OPCML: variants seen among roughly 807,000 people sequenced by gnomAD.
OPCML encodes opioid binding protein/cell adhesion molecule like, also known as opioid-binding protein/cell adhesion molecule.
A neutral mutation model predicts 37.8 loss-of-function variants in OPCML; 13 were observed. That is an observed-to-expected ratio of 0.34 (90% CI 0.22 to 0.55). OPCML has a LOEUF of 0.55. Ranked by LOEUF, OPCML falls within the 20% of genes least tolerant of loss-of-function variation. The pLI, the probability that OPCML is intolerant of heterozygous loss-of-function variation, is 0.91. For missense variants in OPCML, 341 were observed against 435.6 expected, an observed-to-expected ratio of 0.78 and a Z score of 1.93; for synonymous variants, 176 against 168.8, an observed-to-expected ratio of 1.04 and a Z score of -0.33.
intron 2 of OPCML, among the ~76,000 whole-genome samples, chr11:132,748,280 A>G (rs1279382636): frequency 6.6e-6 from 1 of 152,094 alleles, no homozygotes; most frequent in Non-Finnish European, 1.5e-5. Context: ...TGCTGGGTTT[A>G]TGGAATCCTG....
intron 1 of OPCML, among the ~76,000 whole-genome samples, chr11:132,993,702 G>A (rs946357411): frequency 2.6e-5 from 4 of 152,214 alleles, no homozygotes; most frequent in East Asian, 1.9e-4. Context: ...GGAATCAACT[G>A]GAATCACCCT....
intron 3 of OPCML, among the ~76,000 whole-genome samples, chr11:132,574,966 AT>A (rs1369261180): frequency 6.6e-6 from 1 of 151,958 alleles, no homozygotes; most frequent in African/African-American, 2.4e-5. Context: ...TATATTTATT[AT>A]GTAAATATAT....
chr11:132,518,616 T>G (rs528239862), intron 4 of OPCML, among the ~76,000 whole-genome samples: 21 of 152,304 alleles, frequency 1.4e-4, no homozygotes, highest in African/African-American at 5.1e-4. Flanking sequence ...CCCTCCTCCC[T>G]GACTTCTGTT....
intron 1 of OPCML, among the ~76,000 whole-genome samples, chr11:132,997,205 A>G (rs957067429): frequency 2.0e-5 from 3 of 152,192 alleles, no homozygotes; most frequent in African/African-American, 7.2e-5. Flanking sequence ...CCTCACACGT[A>G]TCTGCACATG....
In OPCML at chr11:132,600,874, C is replaced by T. The variant is rs918464773; in HGVS notation, c.379+56213G>A. 4.6e-5 allele frequency among the ~76,000 whole-genome samples: 5 copies of T among 107,828 alleles called. No individual in the cohort carries two copies. In the East Asian group the frequency reaches 9.2e-4, roughly 20 times the overall value. 70.7% of individuals were successfully genotyped at this position (107,828 alleles called of 152,430 possible). ...TTTTTTTTTTTTTTTTGTAGAGACA[C>T]GGTCTCTATATTGCTTAGGCTGGAC... On this transcript the variant is annotated intron_variant, in intron 3 of 7. Transcript: ENST00000524381.
chr11:133,006,190 C>G (rs1020535682), intron 1 of OPCML: 2 of 888,252 alleles, frequency 2.3e-6, no homozygotes, highest in Non-Finnish European at 2.7e-6. Flanking sequence ...TTCGCGCCAT[C>G]TGTAGTAGGG....
chr11:132,810,290 C>G (rs1939266608), intron 2 of OPCML, among the ~76,000 whole-genome samples: 2 of 152,222 alleles, frequency 1.3e-5, no homozygotes, highest in African/African-American at 4.8e-5. Context: ...GGCATCCTTT[C>G]TGTTAGATGT....
intron 1 of OPCML, among the ~76,000 whole-genome samples, chr11:132,958,651 A>T (rs533026727): frequency 6.6e-6 from 1 of 152,344 alleles, no homozygotes; most frequent in South Asian, 2.1e-4. Context: ...GTGAAAACCA[A>T]TACTCATTTA....
chr11:132,442,131 G>A (rs1357628465), intron 4 of OPCML, among the ~76,000 whole-genome samples: 2 of 152,172 alleles, frequency 1.3e-5, no homozygotes, highest in African/African-American at 2.4e-5. Flanking sequence ...GGAAAACAAG[G>A]ATCTTCACCT....
chr11:132,907,341 T>C (rs1024204393), intron 2 of OPCML, among the ~76,000 whole-genome samples: 1 of 152,196 alleles, frequency 6.6e-6, no homozygotes, highest in South Asian at 2.1e-4. Flanking sequence ...CCTCCATTTG[T>C]CCTTTGTCTG....
intron 1 of OPCML, among the ~76,000 whole-genome samples, chr11:133,319,061 C>T (rs1433903175): frequency 1.3e-5 from 2 of 152,016 alleles, no homozygotes; most frequent in African/African-American, 4.8e-5. Context: ...AATCATGAGG[C>T]CACGCAGCTA....
intron 2 of OPCML, among the ~76,000 whole-genome samples, chr11:132,881,631 A>ATAG (rs1943228726): frequency 6.6e-6 from 1 of 152,114 alleles, no homozygotes; most frequent in African/African-American, 2.4e-5. Flanking sequence ...AATAATAATA[A>ATAG]TAAAAAAGAA....
At chr11:132,582,423 A>G (rs2096464006) in intron 3 of OPCML, among the ~76,000 whole-genome samples, 1 of 152,170 alleles carries the variant, frequency 6.6e-6, no homozygotes, top group Non-Finnish European at 1.5e-5. Context: ...ATAGCAAAAA[A>G]GTTTAAATAA....
intron 3 of OPCML, among the ~76,000 whole-genome samples, chr11:132,552,126 A>G (rs73034680): frequency 6.6e-6 from 1 of 152,190 alleles, no homozygotes; most frequent in Non-Finnish European, 1.5e-5. Flanking sequence ...CTCAGTTTCT[A>G]ACTTTAGTAG....
In OPCML at chr11:132,432,699, T is replaced by C. The variant is rs375670532; in HGVS notation, c.916+3387A>G. On this transcript the variant is annotated intron_variant, in intron 7 of 7. Transcript: ENST00000524381. ...GAGCTACTGTGTGTAGAACCTTGTA[T>C]TAGGTCCTAGGGATTAAGCCAGGTA... Among the ~76,000 whole-genome samples, 11 of 152,292 alleles carry C rather than the reference T, an allele frequency of 7.2e-5. No individual in the cohort carries two copies. The East Asian group carries it at 1.9e-3, about 27-fold the overall frequency.
chr11:133,375,019 A>G (rs1011989276), intron 1 of OPCML, among the ~76,000 whole-genome samples: 22 of 152,318 alleles, frequency 1.4e-4, no homozygotes, highest in African/African-American at 5.3e-4. Flanking sequence ...GAAGAAATTT[A>G]AGCTGTTGGT....
At chr11:132,537,786 A>G (rs2137346049) in intron 3 of OPCML, among the ~76,000 whole-genome samples, 1 of 152,344 alleles carries the variant, frequency 6.6e-6, no homozygotes, top group East Asian at 1.9e-4. Flanking sequence ...AAGAAGATAT[A>G]CTAATCGCCA....
In OPCML at chr11:132,748,442, T is replaced by A. The variant is rs1294693296; in HGVS notation, c.147-91123A>T. Among the ~76,000 whole-genome samples, 5 of 152,260 alleles carry A rather than the reference T, an allele frequency of 3.3e-5. No homozygotes were observed. In the East Asian group the frequency reaches 9.7e-4, roughly 29 times the overall value. ...CAGCATCATGCAGCTTATCTTCTAG[T>A]GGGAGAGTTAGATTTAAAAATCAAA... On this transcript the variant is annotated intron_variant, in intron 2 of 7. Transcript: ENST00000524381.
intron 4 of OPCML, among the ~76,000 whole-genome samples, chr11:132,509,657 G>C (rs1394540533): frequency 6.6e-6 from 1 of 152,216 alleles, no homozygotes; most frequent in Non-Finnish European, 1.5e-5. Flanking sequence ...CCCAAGGCTT[G>C]GCAGCTTCCA....
Sources: allele counts gnomAD v4.1 joint callset (sites outside exome capture counted in the v4.1 genomes callset), GRCh38; gene constraint gnomAD v4.1.1; transcripts MANE v1.5; gene names NCBI Gene and HGNC (gene_info 2026-07-23, HGNC 2026-07-21).